The following SYK variants were observed in gnomAD, a reference collection of about 807,000 sequenced individuals.
SYK encodes the protein spleen associated tyrosine kinase, also known as tyrosine-protein kinase SYK.
Under a neutral mutation model 77.8 loss-of-function variants are expected in SYK, and 16 were observed. The observed-to-expected ratio is 0.21, with a 90% CI of 0.14 to 0.31. SYK has a LOEUF of 0.31. Among genes scored for constraint, SYK ranks in the 10% least tolerant of loss-of-function variants. The pLI, the probability that SYK is intolerant of heterozygous loss-of-function variation, is 1.00. For synonymous variants in SYK, 312 were observed against 308.7 expected (o/e 1.01, Z -0.11); for missense variants, 529 against 814.4 (o/e 0.65, Z 4.26).
intron 2 of SYK, 99 bp downstream of exon 2, chr9:90,844,414 T>C (rs947435354): frequency 9.1e-6 from 12 of 1,325,848 alleles, no homozygotes; most frequent in Non-Finnish European, 1.0e-6. Context: ...GTGCCCTGTG[T>C]GCCCAAATAA....
chr9:90,885,845 G>A (rs1191635086), intron 11 of SYK, among the ~76,000 whole-genome samples: 4 of 152,208 alleles, frequency 2.6e-5, no homozygotes, highest in Non-Finnish European at 5.9e-5. Context: ...TTTCTCAGCA[G>A]ACACCTTACA....
At position 90,862,228 on chromosome 9, in the gene SYK, G is replaced by C; in HGVS notation, c.601G>C (p.Gly201Arg). 6.2e-7 allele frequency: 1 copy of C among 1,612,834 alleles called. No homozygotes were observed. The highest frequency in any genetic ancestry group is 1.1e-5 in the South Asian group (1 of 90,966). The change falls in exon 4 of 14, where the codon GGC (glycine) becomes CGC (arginine). Residue 201 changes from glycine (G) to arginine (R), a missense_variant. Around this residue, in one of 2 missense-constraint regions of SYK, gnomAD observed 321 missense variants for 433.1 expected, o/e 0.74. Coordinates refer to ENST00000375754, the MANE Select transcript of SYK (RefSeq NM_003177.7). ...TAGGATCCGAGCCAGAGACAACAACGGCTCCTACGCCCTGTGCCTGCTGCA... is the reference window on the plus strand; with the variant it reads ...TAGGATCCGAGCCAGAGACAACAACCGCTCCTACGCCCTGTGCCTGCTGCA... ...KFLIRARDNN[G>R]SYALCLLHEG...
intron 7 of SYK, among the ~76,000 whole-genome samples, chr9:90,873,339 C>G (rs1029702986): frequency 6.1e-5 from 9 of 147,980 alleles, no homozygotes; most frequent in African/African-American, 2.3e-4. Context: ...ACTCAACTCA[C>G]GCTGAAAAAA....
At chr9:90,867,229 A>G (rs1827534945) in intron 7 of SYK, 30 bp downstream of exon 7, 2 of 1,612,574 alleles carry the variant, frequency 1.2e-6, no homozygotes, top group African/African-American at 1.3e-5. Flanking sequence ...TTGCTGTCCA[A>G]CTAAGTGGTA....
intron 3 of SYK, among the ~76,000 whole-genome samples, chr9:90,852,734 C>A (rs1280338872): frequency 1.3e-5 from 2 of 152,176 alleles, no homozygotes; most frequent in Non-Finnish European, 2.9e-5. Flanking sequence ...ACTACAGTTT[C>A]TACCTTCTGA....
intron 1 of SYK, among the ~76,000 whole-genome samples, chr9:90,809,553 T>G (rs958323416): frequency 6.6e-6 from 1 of 152,214 alleles, no homozygotes; most frequent in Non-Finnish European, 1.5e-5. Context: ...TCATCACCAA[T>G]GGTTACACAA....
chr9:90,868,927 G>C (rs1827621785), intron 7 of SYK, among the ~76,000 whole-genome samples: 1 of 152,186 alleles, frequency 6.6e-6, no homozygotes, highest in Non-Finnish European at 1.5e-5. Flanking sequence ...AAATGAAATT[G>C]GTTACAGTAA....
intron 1 of SYK, among the ~76,000 whole-genome samples, chr9:90,839,166 T>G (rs1457380790): frequency 3.3e-5 from 5 of 152,084 alleles, no homozygotes; most frequent in Non-Finnish European, 7.4e-5. Context: ...CCCGGGTGGG[T>G]GCCGGTGGGT....
chr9:90,835,501 C>G (rs1826042002), intron 1 of SYK, among the ~76,000 whole-genome samples: 1 of 152,180 alleles, frequency 6.6e-6, no homozygotes, highest in African/African-American at 2.4e-5. Flanking sequence ...CTTGGAGTGG[C>G]TGCCAAGAGC....
At chr9:90,872,391 G>T (rs1427988080) in intron 7 of SYK, among the ~76,000 whole-genome samples, 1 of 152,096 alleles carries the variant, frequency 6.6e-6, no homozygotes, top group Non-Finnish European at 1.5e-5. Flanking sequence ...CTGCCTGCAG[G>T]GAAAATCAAA....
chr9:90,872,133 A>G (rs968195605), intron 7 of SYK, among the ~76,000 whole-genome samples: 3 of 152,210 alleles, frequency 2.0e-5, no homozygotes, highest in Admixed American at 6.5e-5. Flanking sequence ...TCTTCCCTGC[A>G]GGATTCATAT....
chr9:90,831,017 G>C (rs1390994647), intron 1 of SYK, among the ~76,000 whole-genome samples: 1 of 152,214 alleles, frequency 6.6e-6, no homozygotes, highest in African/African-American at 2.4e-5. Context: ...TGAGGGGGCT[G>C]TGTGGTTTGA....
At chr9:90,812,795 G>A (rs1471589374) in intron 1 of SYK, among the ~76,000 whole-genome samples, 1 of 150,652 alleles carries the variant, frequency 6.6e-6, no homozygotes, top group Non-Finnish European at 1.5e-5. Context: ...GAGAGATTGA[G>A]AGAGAGAGGG....
chr9:90,838,038 G>A (rs1210448106), intron 1 of SYK, among the ~76,000 whole-genome samples: 4 of 152,204 alleles, frequency 2.6e-5, no homozygotes, highest in Admixed American at 2.6e-4. Context: ...CCTCAATTAG[G>A]AGAGACTGAG....
At chr9:90,876,102 A>G (rs534957497) in intron 9 of SYK, among the ~76,000 whole-genome samples, 113 of 152,278 alleles carry the variant, frequency 7.4e-4, no homozygotes, top group African/African-American at 2.6e-3. Context: ...CCTGGCCAAC[A>G]TGGTAAAACC....
chr9:90,867,117 G>A lies in SYK; in HGVS notation c.847-14G>A, dbSNP rs373424267. On this transcript the variant is annotated splice_polypyrimidine_tract_variant and intron_variant, in intron 6 of 13. Coordinates refer to ENST00000375754, the MANE Select transcript of SYK (RefSeq NM_003177.7). ...GAAACATTTACTGTTCCTCTTTGCC[G>A]TTGTGGTTTCTAGACTTGGTCAGCG... is the stretch of plus-strand genomic sequence containing the variant. 2.0e-5 allele frequency: 32 copies of A among 1,613,792 alleles called. No individual in the cohort carries two copies. The highest frequency in any genetic ancestry group is 3.3e-5 in the Admixed American group (2 of 59,998).
chr9:90,884,192 C>T (rs28799920), intron 11 of SYK, among the ~76,000 whole-genome samples: 1 of 145,960 alleles, frequency 6.9e-6, no homozygotes, highest in Admixed American at 6.7e-5. Context: ...TATATACACA[C>T]ATACACATAC....
Position 90,896,078 on chromosome 9 carries a change from A to G in SYK, c.*478A>G, listed in dbSNP as rs1828972327. 2 of 234,770 alleles carry G rather than the reference A, an allele frequency of 8.5e-6. No individual in the cohort carries two copies. Among genetic ancestry groups the G allele is most frequent in the Non-Finnish European group, 1.7e-5 (2 of 119,048 alleles). The allele number at this position is 234,770 out of a possible 1,614,324, so 14.5% of individuals were successfully genotyped here. ...GAGGAATTTGGCTGCTTCTACGGCC[A>G]TGAGACTGATCCCTGGCCACTGAAA... is the stretch of plus-strand genomic sequence containing the variant. On this transcript the variant is annotated 3_prime_UTR_variant, in exon 14 of 14. Transcript: ENST00000375754.
At chr9:90,884,818 T>C (rs201430004) in intron 11 of SYK, among the ~76,000 whole-genome samples, 1,314 of 73,044 alleles carry the variant, frequency 0.018, 303 homozygotes, top group Admixed American at 0.048. Context: ...TACATACACA[T>C]ATACACATAT....
Sources: gnomAD v4.1 joint callset for allele counts (sites outside exome capture counted in the v4.1 genomes callset) on GRCh38, gnomAD v4.1.1 for gene constraint, gnomAD v4.1.1 regional missense constraint, MANE v1.5 for transcripts, NCBI Gene and HGNC (gene_info 2026-07-23, HGNC 2026-07-21) for gene names.